UBR1: variants seen among roughly 807,000 people sequenced by gnomAD.
UBR1 encodes E3 ubiquitin-protein ligase UBR1.
A neutral mutation model predicts 242.1 loss-of-function variants in UBR1; 102 were observed. The ratio of observed to expected loss-of-function variants is 0.42; its 90% CI spans 0.36 to 0.50. UBR1 has a LOEUF of 0.50. Among genes scored for constraint, UBR1 ranks in the 20% least tolerant of loss-of-function variants. The pLI is 0.01. For missense variants in UBR1, 1,772 were observed against 2,101.8 expected (o/e 0.84, Z 3.07); for synonymous variants, 675 against 684.8 (o/e 0.99, Z 0.22).
At chr15:43,017,245 A>G (rs1040145361) in intron 27 of UBR1, 64 bp from the exon 28 acceptor site, 2 of 1,097,130 alleles carry the variant, frequency 1.8e-6, no homozygotes, top group Non-Finnish European at 2.7e-6. Flanking sequence ...AGGAACAGAA[A>G]CATTCACTAA....
chr15:42,991,474 C>T (rs1181868602), intron 33 of UBR1, among the ~76,000 whole-genome samples: 5 of 152,140 alleles, frequency 3.3e-5, no homozygotes, highest in African/African-American at 1.2e-4. Context: ...TTGAGATTTA[C>T]TGAACTTCTT....
intron 32 of UBR1, among the ~76,000 whole-genome samples, 181 bp downstream of exon 32, chr15:43,002,374 C>A (rs766722301): frequency 7.9e-5 from 12 of 151,966 alleles, no homozygotes; most frequent in Non-Finnish European, 1.6e-4. Flanking sequence ...GCCACCACAC[C>A]TGGCTAATTT....
chr15:42,983,981 T>G lies in UBR1; in HGVS notation c.4066A>C (p.Lys1356Gln). The G allele has an allele frequency of 6.2e-7, 1 of 1,612,468 alleles. No individual in the cohort carries two copies. Among genetic ancestry groups the G allele is most frequent in the Non-Finnish European group, 8.5e-7 (1 of 1,178,904 alleles). Residue 1356 changes from lysine (K) to glutamine (Q), a missense_variant, in exon 37 of 47, where the codon AAA becomes CAA. By Grantham distance (53) the Lys-to-Gln change is moderately conservative (BLOSUM62 1). Transcript: ENST00000290650. ...GCAACTGCAAACTGCATTAATGCTT[T>G]CAGACCATTATGCTAGATTGTAAGA... The part of the protein sequence containing the change: ...ALQNRQHNGL[K>Q]ALMQFAVAQR...
At chr15:43,038,258 A>G in intron 15 of UBR1, 26 bp from the exon 16 acceptor site, 1 of 1,612,578 alleles carries the variant, frequency 6.2e-7, no homozygotes, top group Non-Finnish European at 8.5e-7. Flanking sequence ...CGAGAGAGAA[A>G]ATGAGAAAAC....
At chr15:43,036,119 A>G in intron 19 of UBR1, 59 bp downstream of exon 19, 1 of 1,379,910 alleles carries the variant, frequency 7.2e-7, no homozygotes, top group Non-Finnish European at 1.0e-6. Flanking sequence ...ATAAAATATG[A>G]CTGAAATAGT....
chr15:43,070,988 G>A, intron 4 of UBR1, 63 bp from the exon 5 acceptor site: 1 of 1,580,048 alleles, frequency 6.3e-7, no homozygotes, highest in Non-Finnish European at 8.6e-7. Flanking sequence ...GATAAGGAAG[G>A]TAATGTTAAG....
chr15:42,969,202 T>C (rs535100422), intron 40 of UBR1, among the ~76,000 whole-genome samples: 101 of 152,346 alleles, frequency 6.6e-4, no homozygotes, highest in African/African-American at 2.2e-3. Context: ...TTTTTAATGA[T>C]TGCCATTCTA....
chr15:43,006,674 A>T (rs2032835812), intron 30 of UBR1, among the ~76,000 whole-genome samples: 1 of 152,248 alleles, frequency 6.6e-6, no homozygotes, highest in Non-Finnish European at 1.5e-5. Flanking sequence ...GAAAATGTTT[A>T]ACATGATTCT....
intron 6 of UBR1, among the ~76,000 whole-genome samples, chr15:43,061,423 C>T (rs1278682775): frequency 6.6e-6 from 1 of 152,174 alleles, no homozygotes. Context: ...GATACTTGCA[C>T]ACGCATGTTT....
At chr15:42,986,918 CCT>C (rs1334075558) in intron 35 of UBR1, among the ~76,000 whole-genome samples, 1 of 152,322 alleles carries the variant, frequency 6.6e-6, no homozygotes, top group East Asian at 1.9e-4. Flanking sequence ...TGCCTCGGCC[CCT>C]GAGCCCACCC....
intron 39 of UBR1, among the ~76,000 whole-genome samples, chr15:42,975,792 C>A (rs2032279924): frequency 6.6e-6 from 1 of 152,050 alleles, no homozygotes; most frequent in African/African-American, 2.4e-5. Context: ...CAGCACTCTG[C>A]AGCCTCAAAC....
chr15:43,076,170 C>T (rs961346776), intron 3 of UBR1, among the ~76,000 whole-genome samples: 5 of 148,594 alleles, frequency 3.4e-5, no homozygotes, highest in South Asian at 2.1e-4. Flanking sequence ...TTGGTGGAGA[C>T]GGGGTTTTGC....
chr15:42,952,107 ATTCT>A (rs1208482101), intron 45 of UBR1, among the ~76,000 whole-genome samples, 167 bp downstream of exon 45: 1 of 152,220 alleles, frequency 6.6e-6, no homozygotes, highest in Non-Finnish European at 1.5e-5. Flanking sequence ...ACAGAAACTT[ATTCT>A]TTTTTCACAG....
At position 42,943,027 on chromosome 15, in the gene UBR1, A is replaced by T. The variant is rs557009453; in HGVS notation, c.*2302T>A. On this transcript the variant is annotated 3_prime_UTR_variant, in exon 47 of 47. Transcript: ENST00000290650. ...ATTTGTATAACTTCATCATGGATGG[A>T]ATTTGAATCAGTGGTATAAACATGT... is the stretch of plus-strand genomic sequence containing the variant. 1 of 152,746 alleles carries T rather than the reference A, an allele frequency of 6.5e-6. No individual in the cohort carries two copies. The highest frequency in any genetic ancestry group is 2.1e-4 in the South Asian group (1 of 4,832). 9.5% of individuals were successfully genotyped at this position (152,746 alleles called of 1,614,324 possible).
At chr15:43,087,774 T>G (rs1280015709) in intron 1 of UBR1, among the ~76,000 whole-genome samples, 1 of 152,136 alleles carries the variant, frequency 6.6e-6, no homozygotes, top group African/African-American at 2.4e-5. Flanking sequence ...CTATTTTTAA[T>G]CGTCAAAGAC....
intron 13 of UBR1, among the ~76,000 whole-genome samples, chr15:43,047,826 A>G (rs897299737): frequency 2.6e-5 from 4 of 152,248 alleles, no homozygotes; most frequent in African/African-American, 9.6e-5. Flanking sequence ...ACTACTTAAT[A>G]AGATTGCTAT....
chr15:43,062,174 C>G (rs891179200), intron 6 of UBR1, among the ~76,000 whole-genome samples: 2 of 152,056 alleles, frequency 1.3e-5, no homozygotes, highest in Non-Finnish European at 2.9e-5. Context: ...AGGACTTGAA[C>G]GGACTTTTGT....
rs745778198 is a variant in UBR1 at position 43,038,148 on chromosome 15, C to A, written c.1911+23G>T. The A allele has an allele frequency of 2.5e-6, 4 of 1,612,322 alleles. No homozygotes were observed. In the African/African-American group the frequency reaches 5.3e-5, roughly 22 times the overall value. On this transcript the variant is annotated intron_variant, in intron 16 of 46. Coordinates refer to ENST00000290650, the MANE Select transcript of UBR1 (RefSeq NM_174916.3). The stretch of plus-strand genomic sequence containing the variant: ...ATTCAGAAACAGAATATAAGCAAAT[C>A]AATACTTAGTAGAATCACTTACAAA...
chr15:42,967,160 C>T (rs1388536971), intron 40 of UBR1, among the ~76,000 whole-genome samples: 5 of 150,932 alleles, frequency 3.3e-5, no homozygotes, highest in East Asian at 3.9e-4. Flanking sequence ...TCGGGTGATC[C>T]GCCCGCCTCA....
Sources: allele counts gnomAD v4.1 joint callset (sites outside exome capture counted in the v4.1 genomes callset), GRCh38; gene constraint gnomAD v4.1.1; transcripts MANE v1.5; gene names NCBI Gene and HGNC (gene_info 2026-07-23, HGNC 2026-07-21).